EPHB1: variants seen among roughly 807,000 people sequenced by gnomAD.
EPHB1 encodes the protein EPH receptor B1.
Under a neutral mutation model 94.4 loss-of-function variants are expected in EPHB1, and 30 were observed. The observed-to-expected ratio is 0.32, with a 90% CI of 0.24 to 0.43. The LOEUF (loss-of-function observed/expected upper bound fraction) is 0.43, where lower values mean the gene tolerates loss of function less well. Ranked by LOEUF, EPHB1 falls within the 20% of genes least tolerant of loss-of-function variation. The pLI is 1.00. For synonymous variants in EPHB1, 522 were observed against 489.1 expected, an observed-to-expected ratio of 1.07 and a Z score of -0.89; for missense variants, 1,055 against 1,308.3, an observed-to-expected ratio of 0.81 and a Z score of 2.99.
At chr3:135,083,088 C>T (rs571211841) in intron 3 of EPHB1, among the ~76,000 whole-genome samples, 1 of 152,130 alleles carries the variant, frequency 6.6e-6, no homozygotes, top group Non-Finnish European at 1.5e-5. Flanking sequence ...GCCAGTCTTC[C>T]ATTTGCCTGG....
chr3:135,227,437 G>T (rs1943428596), intron 12 of EPHB1, among the ~76,000 whole-genome samples: 1 of 151,764 alleles, frequency 6.6e-6, no homozygotes. Context: ...TGTATTTTTT[G>T]TGTATACATT....
At chr3:135,014,495 T>C (rs1357815940) in intron 3 of EPHB1, among the ~76,000 whole-genome samples, 1 of 152,206 alleles carries the variant, frequency 6.6e-6, no homozygotes, top group African/African-American at 2.4e-5. Context: ...ATTTATTTAG[T>C]AGGGGAAGGC....
intron 3 of EPHB1, among the ~76,000 whole-genome samples, chr3:135,000,765 T>TA (rs1352085526): frequency 1.5e-4 from 23 of 152,184 alleles, no homozygotes; most frequent in Admixed American, 1.4e-3. Flanking sequence ...TTTGCCTTTT[T>TA]AAAAATCACA....
intron 12 of EPHB1, among the ~76,000 whole-genome samples, chr3:135,238,072 AT>A (rs1239135599): frequency 5.3e-5 from 8 of 152,256 alleles, no homozygotes; most frequent in African/African-American, 1.9e-4. Context: ...AATAATTGAT[AT>A]TGATATTGAT....
chr3:135,013,545 G>A (rs1256961708), intron 3 of EPHB1, among the ~76,000 whole-genome samples: 3 of 152,214 alleles, frequency 2.0e-5, no homozygotes, highest in Non-Finnish European at 2.9e-5. Context: ...AGACAGAAAA[G>A]GAGGCATCAA....
intron 4 of EPHB1, among the ~76,000 whole-genome samples, chr3:135,129,530 A>G (rs73862016): frequency 0.029 from 4,341 of 152,248 alleles, 204 homozygotes; most frequent in African/African-American, 0.097. Flanking sequence ...TTCCATGCAC[A>G]CTGAGCAAAG....
intron 3 of EPHB1, among the ~76,000 whole-genome samples, chr3:135,080,236 T>C (rs912863562): frequency 1.3e-5 from 2 of 152,166 alleles, no homozygotes; most frequent in Admixed American, 1.3e-4. Flanking sequence ...TGATGCACTC[T>C]GCAGGGCAAA....
At chr3:135,127,374 G>T (rs534691487) in intron 4 of EPHB1, among the ~76,000 whole-genome samples, 101 of 152,292 alleles carry the variant, frequency 6.6e-4, no homozygotes, top group African/African-American at 2.4e-3. Context: ...TGAATGTGGG[G>T]TTTTCCAGGG....
At chr3:135,093,102 A>G (rs1171786140) in intron 3 of EPHB1, among the ~76,000 whole-genome samples, 2 of 152,246 alleles carry the variant, frequency 1.3e-5, no homozygotes, top group African/African-American at 2.4e-5. Flanking sequence ...TATCTATCTC[A>G]GAGCACACAG....
intron 11 of EPHB1, among the ~76,000 whole-genome samples, chr3:135,194,605 GA>G (rs1474188135): frequency 2.0e-5 from 3 of 152,212 alleles, no homozygotes; most frequent in African/African-American, 7.2e-5. Flanking sequence ...CTGTAGTGTG[GA>G]AGGGTAGCTG....
At chr3:135,202,466 C>T (rs762768624) in intron 12 of EPHB1, among the ~76,000 whole-genome samples, 2 of 152,162 alleles carry the variant, frequency 1.3e-5, no homozygotes, top group Non-Finnish European at 2.9e-5. Flanking sequence ...TCTACTGCCC[C>T]CACCCTATTC....
rs1218787407 is a variant in EPHB1, at chr3:134,882,762, C to CT, written c.59-43052dup. Among the ~76,000 whole-genome samples, 47 of 32,556 alleles carry CT rather than the reference C, an allele frequency of 1.4e-3. 1 individual carries two copies. Among genetic ancestry groups the CT allele is most frequent in the African/African-American group, 5.0e-3 (39 of 7,762 alleles). The allele number at this position is 32,556 out of a possible 152,430, so 21.4% of individuals were successfully genotyped here. A position where few individuals can be genotyped will look rare whatever the true frequency, so the allele number is the denominator to read the frequency against. The stretch of plus-strand genomic sequence containing the variant: ...TCCTTCTTTCTTCCTTTCTTCCTTC[C>CT]TTCCTTTCTTTCTTTCTTTCTTTCT... On this transcript the variant is annotated intron_variant, in intron 1 of 15. Transcript: ENST00000398015.
chr3:135,224,407 C>G (rs1006769005), intron 12 of EPHB1, among the ~76,000 whole-genome samples: 7 of 152,108 alleles, frequency 4.6e-5, no homozygotes, highest in Non-Finnish European at 1.0e-4. Flanking sequence ...GGCTATAATC[C>G]TACATAAATG....
At chr3:134,883,367 C>G (rs2037800808) in intron 1 of EPHB1, among the ~76,000 whole-genome samples, 1 of 152,128 alleles carries the variant, frequency 6.6e-6, no homozygotes, top group South Asian at 2.1e-4. Context: ...ATACCAAGTC[C>G]CTGATTTGAA....
At chr3:135,036,251 C>T (rs2107763106) in intron 3 of EPHB1, among the ~76,000 whole-genome samples, 1 of 152,304 alleles carries the variant, frequency 6.6e-6, no homozygotes, top group African/African-American at 2.4e-5. Context: ...AGGCCCATAT[C>T]ATAACTACTC....
intron 3 of EPHB1, among the ~76,000 whole-genome samples, chr3:135,051,455 A>C (rs975960958): frequency 6.6e-6 from 1 of 152,192 alleles, no homozygotes; most frequent in Admixed American, 6.5e-5. Flanking sequence ...TCACTCTATT[A>C]ATAACTTATT....
intron 11 of EPHB1, among the ~76,000 whole-genome samples, chr3:135,197,922 A>G (rs1942665065): frequency 6.6e-6 from 1 of 152,204 alleles, no homozygotes; most frequent in Non-Finnish European, 1.5e-5. Context: ...ACAGTTAAAC[A>G]TGCCAGAAAA....
intron 2 of EPHB1, among the ~76,000 whole-genome samples, chr3:134,946,053 A>G (rs959476619): frequency 1.1e-4 from 17 of 152,198 alleles, no homozygotes; most frequent in Non-Finnish European, 1.9e-4. Flanking sequence ...TTCAGGGGAC[A>G]CATGGCCCCT....
chr3:135,127,700 G>T (rs139165273), intron 4 of EPHB1, among the ~76,000 whole-genome samples: 70 of 152,152 alleles, frequency 4.6e-4, no homozygotes, highest in Admixed American at 3.5e-3. Flanking sequence ...AAACTCACCC[G>T]CTCTCTCCCA....
Sources: gnomAD v4.1 joint callset for allele counts (sites outside exome capture counted in the v4.1 genomes callset) on GRCh38, gnomAD v4.1.1 for gene constraint, MANE v1.5 for transcripts, NCBI Gene and HGNC (gene_info 2026-07-23, HGNC 2026-07-21) for gene names.